The following LRGUK variants were observed in gnomAD, a reference collection of about 807,000 sequenced individuals.
The protein encoded by LRGUK is leucine rich repeats and guanylate kinase domain containing.
In LRGUK, 65 loss-of-function variants were observed where a neutral mutation model predicts 76.0. That is an observed-to-expected ratio of 0.85 (90% CI 0.70 to 1.05). LRGUK has a LOEUF of 1.05. Among genes scored for constraint, LRGUK ranks in the 50% least tolerant of loss-of-function variants. LRGUK has a pLI of 0.00. For missense variants in LRGUK, 758 were observed against 732.8 expected (o/e 1.03, Z -0.40); for synonymous variants, 268 against 265.6 (o/e 1.01, Z -0.09).
At chr7:134,199,985 TATATATATA>T (rs1800688362) in intron 14 of LRGUK, among the ~76,000 whole-genome samples, 1 of 14,204 alleles carries the variant, frequency 7.0e-5, no homozygotes, top group African/African-American at 3.8e-4. Context: ...GAAACTTTTA[TATATATATA>T]TATATATATA....
chr7:134,249,223 T>C, intron 18 of LRGUK, 147 bp downstream of exon 18: 2 of 856,242 alleles, frequency 2.3e-6, no homozygotes, highest in Non-Finnish European at 3.3e-6. Flanking sequence ...GAGTAGACCC[T>C]GCCCCTCTAT....
chr7:134,190,170 C>T (rs779432768), intron 11 of LRGUK, among the ~76,000 whole-genome samples: 4 of 152,066 alleles, frequency 2.6e-5, no homozygotes, highest in Non-Finnish European at 5.9e-5. Context: ...AATGAAATAA[C>T]ATGTCAAGTG....
chr7:134,163,919 A>G (rs1219477041), intron 7 of LRGUK, among the ~76,000 whole-genome samples: 1 of 152,180 alleles, frequency 6.6e-6, no homozygotes, highest in East Asian at 1.9e-4. Context: ...GTTGCTCCAT[A>G]TCTGCCATTT....
rs576303961 is a variant in LRGUK, at chr7:134,263,717, A to G, written c.2348-128A>G. ...GGTGTAAGCCACTGCACCTGGCCTC[A>G]TTTATTTCTTATAGTTTGTCATGAA... On this transcript the variant is annotated intron_variant, in intron 19 of 19. Transcript: ENST00000285928. 8.2e-5 allele frequency: 75 copies of G among 920,016 alleles called. No homozygotes were observed. The East Asian group carries it at 2.3e-3, about 28-fold the overall frequency. The allele number at this position is 920,016 out of a possible 1,614,324, so 57.0% of individuals were successfully genotyped here.
chr7:134,180,315 TCC>T (rs1799686577), intron 10 of LRGUK, among the ~76,000 whole-genome samples: 1 of 151,810 alleles, frequency 6.6e-6, no homozygotes. Context: ...CATCCATCCA[TCC>T]ATCCATCCAT....
At chr7:134,182,085 T>C (rs1286924795) in intron 10 of LRGUK, among the ~76,000 whole-genome samples, 1 of 152,214 alleles carries the variant, frequency 6.6e-6, no homozygotes, top group Admixed American at 6.5e-5. Context: ...ACATGTAATA[T>C]AAATAGAATC....
At chr7:134,213,421 G>A (rs1328373270), downstream of LRGUK, among the ~76,000 whole-genome samples, 1 of 152,086 alleles carries the variant, frequency 6.6e-6, no homozygotes. Context: ...TGTGGGAGAG[G>A]GTAGATTGTG....
chr7:134,136,945 GT>G (rs1411765152), intron 1 of LRGUK, 77 bp from the exon 2 acceptor site: 90 of 1,208,438 alleles, frequency 7.4e-5, no homozygotes, highest in Middle Eastern at 2.1e-4. Context: ...TACTAAATAA[GT>G]GCTGGATATG....
intron 16 of LRGUK, among the ~76,000 whole-genome samples, chr7:134,231,866 T>A (rs1801907762): frequency 6.7e-6 from 1 of 149,744 alleles, no homozygotes; most frequent in Non-Finnish European, 1.5e-5. Context: ...TTTCTTTCAT[T>A]TTTCTCTTCC....
chr7:134,211,272 A>G (rs1468607120), downstream of LRGUK, among the ~76,000 whole-genome samples: 1 of 152,246 alleles, frequency 6.6e-6, no homozygotes, highest in Admixed American at 6.5e-5. Context: ...TGGTGTCAGC[A>G]AGTAGCCTTT....
intron 15 of LRGUK, among the ~76,000 whole-genome samples, chr7:134,217,153 CTTTT>C (rs75989063): frequency 9.5e-4 from 116 of 122,182 alleles, no homozygotes; most frequent in African/African-American, 3.5e-3. Context: ...AATACTCATC[CTTTT>C]TTTTTTTTTT....
intron 7 of LRGUK, among the ~76,000 whole-genome samples, chr7:134,164,208 G>A (rs1277179850): frequency 6.6e-6 from 1 of 152,170 alleles, no homozygotes; most frequent in African/African-American, 2.4e-5. Flanking sequence ...AAGTCATGAT[G>A]TTGTACACAG....
chr7:134,177,525 T>C (rs1799531935), intron 9 of LRGUK, among the ~76,000 whole-genome samples: 2 of 151,970 alleles, frequency 1.3e-5, no homozygotes, highest in Admixed American at 1.3e-4. Context: ...ATTCTGCTCT[T>C]TAAAAAAATG....
At chr7:134,182,704 TGAGTA>T (rs1799805192) in intron 10 of LRGUK, among the ~76,000 whole-genome samples, 1 of 152,160 alleles carries the variant, frequency 6.6e-6, no homozygotes, top group Admixed American at 6.5e-5. Context: ...ATTTGTGTCA[TGAGTA>T]GAGTTTAAAC....
intron 7 of LRGUK, among the ~76,000 whole-genome samples, chr7:134,166,037 G>T (rs767562714): frequency 2.8e-4 from 42 of 151,888 alleles, no homozygotes; most frequent in Non-Finnish European, 1.3e-4. Context: ...GGCAGGTTGA[G>T]GAGCAACCCG....
downstream of LRGUK, among the ~76,000 whole-genome samples, chr7:134,210,682 A>T (rs1773456694): frequency 6.6e-6 from 1 of 152,168 alleles, no homozygotes; most frequent in South Asian, 2.1e-4. Context: ...CTCAGAGGAG[A>T]GAGATTGCTT....
intron 8 of LRGUK, among the ~76,000 whole-genome samples, chr7:134,175,230 C>A (rs73439478): frequency 6.6e-6 from 1 of 152,120 alleles, no homozygotes; most frequent in Non-Finnish European, 1.5e-5. Context: ...TGCTTTCTCC[C>A]GGTCTCCTCC....
chr7:134,245,406 G>T (rs893045775), intron 16 of LRGUK, among the ~76,000 whole-genome samples: 2 of 151,956 alleles, frequency 1.3e-5, no homozygotes, highest in Non-Finnish European at 2.9e-5. Context: ...GCTTCCTTCT[G>T]CATAAACACT....
Position 134,142,840 on chromosome 7 carries a change from C to G in LRGUK, c.488-222C>G, listed in dbSNP as rs553020342. 4.6e-4 allele frequency among the ~76,000 whole-genome samples: 70 copies of G among 152,264 alleles called. No individual in the cohort carries two copies. The South Asian group carries it at 0.012, about 26-fold the overall frequency. ...ATAGGGCATACAAGGATTGGCCACCCCTGGGGAAGAGGATTAAATTATTGA... is the reference window on the plus strand; with the variant it reads ...ATAGGGCATACAAGGATTGGCCACCGCTGGGGAAGAGGATTAAATTATTGA... On this transcript the variant is annotated intron_variant, in intron 3 of 15. Coordinates refer to ENST00000645682, the Ensembl canonical transcript of LRGUK.
Sources: allele counts gnomAD v4.1 joint callset (sites outside exome capture counted in the v4.1 genomes callset), GRCh38; gene constraint gnomAD v4.1.1; transcripts MANE v1.5; gene names NCBI Gene and HGNC (gene_info 2026-07-23, HGNC 2026-07-21).